Variants in COL14A1 observed in about 807,000 individuals in gnomAD.
COL14A1 encodes collagen type XIV alpha 1 chain.
Under a neutral mutation model 230.3 loss-of-function variants are expected in COL14A1, and 136 were observed. The observed-to-expected ratio is 0.59, with a 90% CI of 0.51 to 0.68. The LOEUF is 0.68. Ranked by LOEUF, COL14A1 falls within the 30% of genes least tolerant of loss-of-function variation. COL14A1 has a pLI of 0.00. For synonymous variants in COL14A1, 792 were observed against 784.1 expected (o/e 1.01, Z -0.17); for missense variants, 1,976 against 2,215.8 (o/e 0.89, Z 2.17).
chr8:120,177,559 G>C (rs1816319789), intron 5 of COL14A1, among the ~76,000 whole-genome samples: 1 of 146,806 alleles, frequency 6.8e-6, no homozygotes, highest in South Asian at 2.3e-4. Flanking sequence ...TGAGGCAGGA[G>C]AATTGCTTGA....
intron 5 of COL14A1, among the ~76,000 whole-genome samples, chr8:120,193,065 C>T (rs140516983): frequency 0.015 from 2,244 of 152,332 alleles, 59 homozygotes; most frequent in African/African-American, 0.05. Context: ...CATTCTCCGT[C>T]CAGCTTTGTT....
chr8:120,219,618 C>T (rs1294472082), intron 14 of COL14A1, among the ~76,000 whole-genome samples: 2 of 152,116 alleles, frequency 1.3e-5, no homozygotes, highest in African/African-American at 4.8e-5. Context: ...TCAAAGACCC[C>T]ATCTCTTAAT....
At chr8:120,183,753 A>T (rs1816550346) in intron 5 of COL14A1, among the ~76,000 whole-genome samples, 1 of 152,194 alleles carries the variant, frequency 6.6e-6, no homozygotes, top group Middle Eastern at 3.2e-3. Context: ...TCATGATGTT[A>T]TTCATCCCAG....
chr8:120,360,018 G>A (rs554363166), intron 45 of COL14A1, among the ~76,000 whole-genome samples: 2 of 152,154 alleles, frequency 1.3e-5, no homozygotes, highest in African/African-American at 4.8e-5. Flanking sequence ...ATACTGTCTT[G>A]ACTGATAGAG....
intron 5 of COL14A1, among the ~76,000 whole-genome samples, chr8:120,191,884 T>C (rs558272212): frequency 6.6e-6 from 1 of 152,262 alleles, no homozygotes; most frequent in Admixed American, 6.5e-5. Flanking sequence ...CTTTTTTTGT[T>C]TTCCATTTGC....
chr8:120,281,110 A>C, intron 31 of COL14A1, 51 bp downstream of exon 31: 137 of 1,526,196 alleles, frequency 9.0e-5, no homozygotes, highest in Non-Finnish European at 1.2e-4. Flanking sequence ...ATTATATCTC[A>C]CTGTGAAAAT....
At chr8:120,267,090 C>T in intron 25 of COL14A1, 1 of 530,016 alleles carries the variant, frequency 1.9e-6, no homozygotes, top group Non-Finnish European at 3.3e-6. Flanking sequence ...GATTTACTAA[C>T]AGAATTGCTT....
At chr8:120,218,605 C>T (rs1817837836) in intron 14 of COL14A1, among the ~76,000 whole-genome samples, 1 of 152,176 alleles carries the variant, frequency 6.6e-6, no homozygotes, top group South Asian at 2.1e-4. Context: ...CCACTGCTCC[C>T]AGCCTAACTT....
intron 17 of COL14A1, 37 bp from the exon 18 acceptor site, chr8:120,228,673 G>T (rs752188144): frequency 1.2e-5 from 19 of 1,553,344 alleles, no homozygotes; most frequent in Admixed American, 8.4e-5. Context: ...ATGGACAGTT[G>T]TTTTTGCAGC....
intron 42 of COL14A1, among the ~76,000 whole-genome samples, chr8:120,336,385 A>G (rs1349169326): frequency 7.2e-5 from 11 of 152,182 alleles, no homozygotes; most frequent in Admixed American, 7.2e-4. Flanking sequence ...GCAGAAAAAC[A>G]TAAGGCAAAC....
At position 120,227,299 on chromosome 8, in the gene COL14A1, C is replaced by T; in HGVS notation, c.2084C>T (p.Ala695Val). 6.2e-7 allele frequency: 1 copy of T among 1,613,948 alleles called. No individual in the cohort carries two copies. Among genetic ancestry groups the T allele is most frequent in the Non-Finnish European group, 8.5e-7 (1 of 1,179,978 alleles). The change falls in exon 17 of 48, where the codon GCC (alanine) becomes GTC (valine). Residue 695 changes from alanine (A) to valine (V), a missense_variant. Ala to Val is a moderately conservative substitution (Grantham distance 64). Coordinates refer to ENST00000297848, the MANE Select transcript of COL14A1 (RefSeq NM_021110.4). ...PGTEYEVSLL[A>V]VLDDGSESEV... is the part of the protein sequence containing the mutation. Reference sequence around the variant, plus strand: ...ACGGAGTATGAAGTTTCACTATTGGCCGTACTTGATGATGGAAGCGAGAGT... The same window carrying T: ...ACGGAGTATGAAGTTTCACTATTGGTCGTACTTGATGATGGAAGCGAGAGT...
At chr8:120,233,878 A>C (rs995569384) in intron 19 of COL14A1, among the ~76,000 whole-genome samples, 1 of 152,152 alleles carries the variant, frequency 6.6e-6, no homozygotes, top group African/African-American at 2.4e-5. Context: ...GCTTGATGGG[A>C]ATAACATTGA....
intron 2 of COL14A1, among the ~76,000 whole-genome samples, chr8:120,151,467 C>T (rs1563637491): frequency 6.6e-6 from 1 of 151,616 alleles, no homozygotes; most frequent in South Asian, 2.1e-4. Flanking sequence ...GGTGAAACCC[C>T]GTCTCTACTA....
chr8:120,278,107 C>G lies in COL14A1; in HGVS notation c.3214-4C>G, dbSNP rs752239979. On this transcript the variant is annotated splice_polypyrimidine_tract_variant and splice_region_variant and intron_variant, in intron 26 of 47. Coordinates refer to ENST00000297848, the MANE Select transcript of COL14A1 (RefSeq NM_021110.4). ...GTGAAAATGAATACACCTTCTCTCT[C>G]CAGGTTGCAATGGTTCAGTTCACTG... 1 of 1,600,440 alleles carries G rather than the reference C, an allele frequency of 6.2e-7. No homozygotes were observed. The highest frequency in any genetic ancestry group is 1.1e-5 in the South Asian group (1 of 88,548).
At chr8:120,218,903 G>C (rs1817846085) in intron 14 of COL14A1, among the ~76,000 whole-genome samples, 2 of 152,100 alleles carry the variant, frequency 1.3e-5, no homozygotes, top group Non-Finnish European at 2.9e-5. Context: ...ATTTAAAAGA[G>C]TTGACTCATT....
chr8:120,295,359 A>G (rs551508579), intron 34 of COL14A1, among the ~76,000 whole-genome samples: 15 of 151,956 alleles, frequency 9.9e-5, no homozygotes, highest in African/African-American at 3.4e-4. Context: ...AGCCTTCAAC[A>G]TGTGATTACG....
chr8:120,315,829 G>A (rs1481033784), intron 39 of COL14A1, 115 bp from the exon 40 acceptor site: 1 of 1,084,316 alleles, frequency 9.2e-7, no homozygotes, highest in East Asian at 2.5e-5. Flanking sequence ...GTTACAAAGG[G>A]TTCACCATTA....
intron 19 of COL14A1, among the ~76,000 whole-genome samples, chr8:120,243,060 C>G (rs1051355464): frequency 6.6e-6 from 1 of 152,148 alleles, no homozygotes; most frequent in Non-Finnish European, 1.5e-5. Context: ...TTAAATGGCC[C>G]GGTGATGGGC....
chr8:120,266,817 T>C lies in COL14A1; in HGVS notation c.3017-10T>C, dbSNP rs1819515018. On this transcript the variant is annotated splice_polypyrimidine_tract_variant and intron_variant, in intron 24 of 47. Coordinates refer to ENST00000297848, the MANE Select transcript of COL14A1 (RefSeq NM_021110.4). ...GGTGAACTGATGTCCTTTCTCCCTTTCCTTTACAGAATCACTTCCTACACG... is the reference window on the plus strand; with the variant it reads ...GGTGAACTGATGTCCTTTCTCCCTTCCCTTTACAGAATCACTTCCTACACG... The C allele has an allele frequency of 4.3e-6, 7 of 1,610,070 alleles. No homozygotes were observed. The highest frequency in any genetic ancestry group is 5.9e-6 in the Non-Finnish European group (7 of 1,176,926).
Sources: allele counts gnomAD v4.1 joint callset (sites outside exome capture counted in the v4.1 genomes callset), GRCh38; gene constraint gnomAD v4.1.1; transcripts MANE v1.5; gene names NCBI Gene and HGNC (gene_info 2026-07-23, HGNC 2026-07-21).